TSPYL2: variants seen among roughly 807,000 people sequenced by gnomAD.
TSPYL2 encodes the protein TSPY like 2, also known as testis-specific Y-encoded-like protein 2.
A neutral mutation model predicts 33.0 loss-of-function variants in TSPYL2; 9 were observed. The ratio of observed to expected loss-of-function variants is 0.27; its 90% CI spans 0.16 to 0.48. TSPYL2 has a LOEUF of 0.48. Among genes scored for constraint, TSPYL2 ranks in the 20% least tolerant of loss-of-function variants. The probability of loss-of-function intolerance (pLI) is 0.99; values close to 1 mark genes in which losing one functional copy is unlikely to be tolerated. For missense variants in TSPYL2, 636 were observed against 586.2 expected, an observed-to-expected ratio of 1.08 and a Z score of -0.88; for synonymous variants, 330 against 233.6, an observed-to-expected ratio of 1.41 and a Z score of -3.77.
chrX:53,085,943 T>C lies in TSPYL2; in HGVS notation c.1551T>C (p.Asn517=), dbSNP rs781864606. 2 of 1,207,132 alleles carry C rather than the reference T, an allele frequency of 1.7e-6. No individual in the cohort carries two copies. Among genetic ancestry groups the C allele is most frequent in the South Asian group, 1.8e-5 (1 of 56,406 alleles). ...NNESADDNNE[N]PEDNNKNTDD... Reference sequence around the variant, plus strand: ...AGAGTGCAGATGACAACAACGAGAATCCTGAAGACAATAACAAGAACACTG... The same window carrying C: ...AGAGTGCAGATGACAACAACGAGAACCCTGAAGACAATAACAAGAACACTG... Residue 517 remains asparagine, a synonymous_variant, in exon 6 of 7, where the codon AAT becomes AAC. Transcript: ENST00000375442.
At chrX:53,084,001 C>T (rs1556807722) in intron 1 of TSPYL2, among the ~76,000 whole-genome samples, 1 of 111,877 alleles carries the variant, frequency 8.9e-6, no homozygotes, top group Non-Finnish European at 1.9e-5. Flanking sequence ...TGGATACAGA[C>T]CCTTAGCCCT....
In TSPYL2 at chrX:53,085,069, T is replaced by G. The variant is rs782138409; in HGVS notation, c.1113T>G (p.His371Gln). 3 of 1,210,433 alleles carry G rather than the reference T, an allele frequency of 2.5e-6. No homozygotes were observed. Among genetic ancestry groups the G allele is most frequent in the Non-Finnish European group, 3.4e-6 (3 of 894,632 alleles). The change falls in exon 4 of 7, where the codon CAT (histidine) becomes CAG (glutamine). Residue 371 changes from histidine to glutamine, a missense_variant. By Grantham distance (24) the His-to-Gln change is conservative. Coordinates refer to ENST00000375442, the MANE Select transcript of TSPYL2 (RefSeq NM_022117.4). ...SHSFFSWFSNHSLPEADRIAE... is the reference protein window; with the variant it reads ...SHSFFSWFSNQSLPEADRIAE... ...GCTTTTTCAGCTGGTTCTCAAACCATAGCCTCCCAGAGGCTGACAGGATTG... is the reference window on the plus strand; with the variant it reads ...GCTTTTTCAGCTGGTTCTCAAACCAGAGCCTCCCAGAGGCTGACAGGATTG...
rs1351157319 is a variant in TSPYL2, at chrX:53,084,551, A to C, written c.814A>C (p.Asn272His). The change falls in exon 2 of 7, where the codon AAC (asparagine) becomes CAC (histidine). Residue 272 changes from asparagine (N) to histidine (H), a missense_variant. Around this residue, in one of 3 missense-constraint regions of TSPYL2, gnomAD observed 401 missense variants for 363.0 expected, o/e 1.10. Coordinates refer to ENST00000375442, the MANE Select transcript of TSPYL2 (RefSeq NM_022117.4). ...IPGFWVKAFL[N>H]HPRISILINR... ...AAACTGCTCCACTCATCAGTTCCTC[A>C]ACCACCCCAGAATTTCAATTTTGAT... 3.4e-6 allele frequency: 4 copies of C among 1,167,880 alleles called. No homozygotes were observed. Among genetic ancestry groups the C allele is most frequent in the Non-Finnish European group, 3.4e-6 (3 of 873,192 alleles).
chrX:53,085,950 GACAATA>G lies in TSPYL2; in HGVS notation c.1563_1568del (p.Asn521_Asn522del), dbSNP rs782091028. 8 of 1,206,588 alleles carry G rather than the reference GACAATA, an allele frequency of 6.6e-6. No homozygotes were observed. The South Asian group carries it at 7.1e-5, about 11-fold the overall frequency. On this transcript the variant is annotated inframe_deletion, in exon 6 of 7. Coordinates refer to ENST00000375442, the MANE Select transcript of TSPYL2 (RefSeq NM_022117.4). ...AGATGACAACAACGAGAATCCTGAAGACAATAACAAGAACACTGATGACAACGAAGA... is the reference window on the plus strand; with the variant it reads ...AGATGACAACAACGAGAATCCTGAAGACAAGAACACTGATGACAACGAAGA...
Position 53,082,425 on chromosome X carries a change from C to A in TSPYL2, c.-74C>A. 1 of 1,001,579 alleles carries A rather than the reference C, an allele frequency of 1.0e-6. No homozygotes were observed. Among genetic ancestry groups the A allele is most frequent in the Non-Finnish European group, 1.3e-6 (1 of 761,368 alleles). 82.5% of individuals were successfully genotyped at this position (1,001,579 alleles called of 1,213,427 possible). A position where few individuals can be genotyped will look rare whatever the true frequency, so the allele number is the denominator to read the frequency against. ...GTCTCCTCAGCTCTGCTTACCGGTG[C>A]GACTAGCGGCAGCGACGCGGCTAAA... On this transcript the variant is annotated 5_prime_UTR_variant, in exon 1 of 7. Coordinates refer to ENST00000375442, the MANE Select transcript of TSPYL2 (RefSeq NM_022117.4).
chrX:53,087,597 G>T, intron 6 of TSPYL2, 179 bp from the exon 7 acceptor site: 1 of 445,432 alleles, frequency 2.2e-6, no homozygotes, highest in Non-Finnish European at 3.9e-6. Context: ...TCATTCTGTG[G>T]GCTTGCTTGA....
intron 6 of TSPYL2, 125 bp downstream of exon 6, chrX:53,086,435 G>A: frequency 1.5e-6 from 1 of 671,142 alleles, no homozygotes; most frequent in Non-Finnish European, 2.3e-6. Context: ...AGCATTCTGA[G>A]CAACTTTTTA....
Position 53,086,045 on chromosome X carries a change from C to T in TSPYL2, c.1653C>T (p.Ser551=). ...TCTTCAAAGGTGGCTTCTGGGGCAG[C>T]CATGGCAACAACCAGGACAGCAGCG... ...NNFFKGGFWG[S]HGNNQDSSDS... The change falls in exon 6 of 7, where the codon AGC becomes AGT. Residue 551 remains serine, a synonymous_variant. Transcript: ENST00000375442. 1 of 1,171,828 alleles carries T rather than the reference C, an allele frequency of 8.5e-7. No individual in the cohort carries two copies. Among genetic ancestry groups the T allele is most frequent in the East Asian group, 3.2e-5 (1 of 31,074 alleles).
rs375497514 is a variant in TSPYL2 at position 53,083,078 on chromosome X, A to C, written c.580A>C (p.Arg194=). ...CAGCAGGAGGCGGCGGCGGCGGCGG[A>C]GGAGGAAGCAGAGGAAGGTGAAGAG... ...RSSRRRRRRR[R]RKQRKVKRES... Residue 194 remains arginine, a synonymous_variant, in exon 1 of 7, where the codon AGG becomes CGG. Coordinates refer to ENST00000375442, the MANE Select transcript of TSPYL2 (RefSeq NM_022117.4). 265 of 1,203,161 alleles carry C rather than the reference A, an allele frequency of 2.2e-4. 1 individual carries two copies. Among genetic ancestry groups the C allele is most frequent in the Admixed American group, 5.3e-4 (24 of 45,100 alleles).
rs1556807268 is a variant in TSPYL2, at chrX:53,082,747, G to C, written c.249G>C (p.Gly83=). 8.5e-7 allele frequency: 1 copy of C among 1,178,624 alleles called. No homozygotes were observed. The change falls in exon 1 of 7, where the codon GGG becomes GGC. Residue 83 remains glycine (G), a synonymous_variant. Coordinates refer to ENST00000375442, the MANE Select transcript of TSPYL2 (RefSeq NM_022117.4). Reference sequence around the variant, plus strand: ...CCTATGTCATTCTCGAGGAGGGGGGGATCCGCGCATACTTCACGCTCGGTG... The same window carrying C: ...CCTATGTCATTCTCGAGGAGGGGGGCATCCGCGCATACTTCACGCTCGGTG... The part of the protein sequence containing the change: ...PPPYVILEEG[G]IRAYFTLGAE...
At chrX:53,085,170 G>A in intron 4 of TSPYL2, 57 bp from the exon 5 acceptor site, 4 of 1,179,277 alleles carry the variant, frequency 3.4e-6, no homozygotes, top group Non-Finnish European at 3.4e-6. Flanking sequence ...GGAATTAAGA[G>A]GAGGATCTGG....
In TSPYL2 at chrX:53,085,666, A is replaced by G. The variant is rs1556808325; in HGVS notation, c.1274A>G (p.Glu425Gly). 1 of 1,211,949 alleles carries G rather than the reference A, an allele frequency of 8.3e-7. No individual in the cohort carries two copies. The highest frequency in any genetic ancestry group is 1.1e-6 in the Non-Finnish European group (1 of 895,570). ...GGCAGATGTGAGGTGGTGATCATGGAAGACGCCCCTGACTATTATGCAGTG... is the reference window on the plus strand; with the variant it reads ...GGCAGATGTGAGGTGGTGATCATGGGAGACGCCCCTGACTATTATGCAGTG... ...TRGRCEVVIM[E>G]DAPDYYAVED... Residue 425 changes from glutamate (E) to glycine (G), a missense_variant, in exon 6 of 7, where the codon GAA becomes GGA. Coordinates refer to ENST00000375442, the MANE Select transcript of TSPYL2 (RefSeq NM_022117.4).
At chrX:53,087,225 G>T (rs782142080) in intron 6 of TSPYL2, 2 of 112,121 alleles carry the variant, frequency 1.8e-5, no homozygotes, top group South Asian at 7.5e-4. Context: ...TGAATGTGGA[G>T]CCTCAATCTA....
rs1297172629 is a variant in TSPYL2 at position 53,087,999 on chromosome X, T to C, written c.*60T>C. Reference sequence around the variant, plus strand: ...CCCCCACCCACTATCCCATTTGCCCTCCTCCTCAGCTAGGGCCACGCGGCC... The same window carrying C: ...CCCCCACCCACTATCCCATTTGCCCCCCTCCTCAGCTAGGGCCACGCGGCC... On this transcript the variant is annotated 3_prime_UTR_variant, in exon 7 of 7. Transcript: ENST00000375442. 7.9e-6 allele frequency: 9 copies of C among 1,134,503 alleles called. No individual in the cohort carries two copies. The East Asian group carries it at 1.8e-4, about 23-fold the overall frequency. 93.5% of individuals were successfully genotyped at this position (1,134,503 alleles called of 1,213,427 possible). A position where few individuals can be genotyped will look rare whatever the true frequency, so the allele number is the denominator to read the frequency against.
chrX:53,088,232 G>C lies in TSPYL2; in HGVS notation c.*293G>C. The C allele has an allele frequency of 3.4e-6, 1 of 294,853 alleles. No homozygotes were observed. Among genetic ancestry groups the C allele is most frequent in the Non-Finnish European group, 6.0e-6 (1 of 165,496 alleles). 24.3% of individuals were successfully genotyped at this position (294,853 alleles called of 1,213,427 possible). A position where few individuals can be genotyped will look rare whatever the true frequency, so the allele number is the denominator to read the frequency against. The stretch of plus-strand genomic sequence containing the variant: ...AGGGCCCCTCTACCCACTTCTCCCA[G>C]TCAGTTGTGGCCCCAGCCCCTCTCC... On this transcript the variant is annotated 3_prime_UTR_variant, in exon 7 of 7. Transcript: ENST00000375442.
At position 53,085,881 on chromosome X, in the gene TSPYL2, G is replaced by A. The variant is rs782278185; in HGVS notation, c.1489G>A (p.Glu497Lys). The change falls in exon 6 of 7, where the codon GAG becomes AAG. Residue 497 changes from glutamate to lysine, a missense_variant. Glu to Lys is a moderately conservative substitution (Grantham distance 56). Transcript: ENST00000375442. ...CAACAACGAGACCACTGATAACAAC[G>A]AGAGTGCTGATGACCACGAAACCAC... The part of the protein sequence containing the change: ...VPNNETTDNN[E>K]SADDHETTDN... 6.6e-6 allele frequency: 8 copies of A among 1,211,465 alleles called. No individual in the cohort carries two copies. The highest frequency in any genetic ancestry group is 3.0e-5 in the East Asian group (1 of 33,869).
chrX:53,085,652 G>A lies in TSPYL2; in HGVS notation c.1260G>A (p.Glu420=). 8.3e-7 allele frequency: 1 copy of A among 1,211,954 alleles called. No individual in the cohort carries two copies. Among genetic ancestry groups the A allele is most frequent in the Non-Finnish European group, 1.1e-6 (1 of 895,548 alleles). Residue 420 remains glutamate, a synonymous_variant, in exon 6 of 7, where the codon GAG becomes GAA. Transcript: ENST00000375442. ...MKKRKTRGRC[E]VVIMEDAPDY... is the part of the protein sequence containing the mutation. ...ACAGTAAAACCAGGGGCAGATGTGA[G>A]GTGGTGATCATGGAAGACGCCCCTG...
chrX:53,083,906 TTAAA>T (rs1444109799), intron 1 of TSPYL2, among the ~76,000 whole-genome samples: 1 of 111,078 alleles, frequency 9.0e-6, no homozygotes, highest in Non-Finnish European at 1.9e-5. Flanking sequence ...GAAAAAGGAG[TTAAA>T]TGAAGGAAAG....
Position 53,082,454 on chromosome X carries a change from G to A in TSPYL2, c.-45G>A. The A allele has an allele frequency of 2.7e-6, 3 of 1,093,986 alleles. No homozygotes were observed. Among genetic ancestry groups the A allele is most frequent in the Non-Finnish European group, 3.6e-6 (3 of 839,226 alleles). The allele number at this position is 1,093,986 out of a possible 1,213,427, so 90.2% of individuals were successfully genotyped here. A position where few individuals can be genotyped will look rare whatever the true frequency, so the allele number is the denominator to read the frequency against. On this transcript the variant is annotated 5_prime_UTR_variant, in exon 1 of 7. Transcript: ENST00000375442. ...TAGCGGCAGCGACGCGGCTAAAAGC[G>A]AAGGGGCGAGTGCGAGTCCCCTGAG...
Sources: allele counts gnomAD v4.1 joint callset (sites outside exome capture counted in the v4.1 genomes callset), GRCh38; gene constraint gnomAD v4.1.1; regional missense constraint gnomAD v4.1.1; transcripts MANE v1.5; gene names NCBI Gene and HGNC (gene_info 2026-07-23, HGNC 2026-07-21).